The following TTC7A variants were observed in gnomAD, a reference collection of about 807,000 sequenced individuals.
TTC7A encodes tetratricopeptide repeat protein 7A.
A neutral mutation model predicts 103.7 loss-of-function variants in TTC7A; 110 were observed. The observed-to-expected ratio is 1.06, with a 90% CI of 0.91 to 1.24. The LOEUF (loss-of-function observed/expected upper bound fraction) is 1.24. Ranked by LOEUF, TTC7A falls within the 50% of genes most tolerant of loss-of-function variation. The pLI is 0.00. For missense variants in TTC7A, 1,340 were observed against 1,116.3 expected, an observed-to-expected ratio of 1.20 and a Z score of -2.86; for synonymous variants, 521 against 467.9, an observed-to-expected ratio of 1.11 and a Z score of -1.47.
intron 19 of TTC7A, among the ~76,000 whole-genome samples, chr2:47,064,456 A>G (rs1038085918): frequency 1.3e-5 from 2 of 152,224 alleles, no homozygotes; most frequent in African/African-American, 4.8e-5. Flanking sequence ...CTGCCTGCCA[A>G]TGGGGAAACG....
rs184636372 is a variant in TTC7A, at chr2:46,976,450, G to A, written c.648+1347G>A. On this transcript the variant is annotated intron_variant, in intron 4 of 19. Coordinates refer to ENST00000319190, the MANE Select transcript of TTC7A (RefSeq NM_020458.4). Reference sequence around the variant, plus strand: ...TCTAGAGCAGCATAGATTAGGATTGGTGCCCTGAAGGAGGAGGTGGTCATG... The same window carrying A: ...TCTAGAGCAGCATAGATTAGGATTGATGCCCTGAAGGAGGAGGTGGTCATG... Among the ~76,000 whole-genome samples, 11 of 152,344 alleles carry A rather than the reference G, an allele frequency of 7.2e-5. No individual in the cohort carries two copies. The East Asian group carries it at 1.4e-3, about 19-fold the overall frequency.
chr2:46,963,790 G>A (rs1672593940), intron 3 of TTC7A, among the ~76,000 whole-genome samples: 1 of 152,150 alleles, frequency 6.6e-6, no homozygotes, highest in African/African-American at 2.4e-5. Context: ...AGGAGTACAT[G>A]GTTCTTGCAG....
rs976721774 is a variant in TTC7A, at chr2:46,999,816, C to T, written c.1065+4617C>T. The T allele has an allele frequency of 3.1e-5, 31 of 985,346 alleles. No homozygotes were observed. The African/African-American group carries it at 4.4e-4, about 14-fold the overall frequency. The allele number at this position is 985,346 out of a possible 1,614,324, so 61.0% of individuals were successfully genotyped here. The stretch of plus-strand genomic sequence containing the variant: ...AAACTGAACCCTTGGATCCCTGTTT[C>T]ATTCAGCTGGCGAACAAGTTGCTGC... On this transcript the variant is annotated intron_variant, in intron 8 of 19. Transcript: ENST00000319190.
intron 4 of TTC7A, chr2:46,978,040 G>C (rs1674044530): frequency 6.6e-6 from 1 of 152,272 alleles, no homozygotes; most frequent in South Asian, 2.1e-4. Flanking sequence ...TGGAGGTGGG[G>C]CATGGACAGT....
At chr2:47,023,492 G>A (rs1679519964) in intron 13 of TTC7A, 27 bp downstream of exon 13, 3 of 1,613,052 alleles carry the variant, frequency 1.9e-6, no homozygotes, top group Non-Finnish European at 2.5e-6. Context: ...CTGCAGCAGA[G>A]GCCCCTCTTG....
At chr2:46,981,926 C>T (rs1467304133) in intron 5 of TTC7A, among the ~76,000 whole-genome samples, 1 of 152,234 alleles carries the variant, frequency 6.6e-6, no homozygotes, top group East Asian at 1.9e-4. Context: ...ATGACTGCAA[C>T]AGGCAGGTGG....
intron 15 of TTC7A, among the ~76,000 whole-genome samples, chr2:47,038,629 T>TGGGGGGC: frequency 1.1e-5 from 1 of 86,986 alleles, no homozygotes; most frequent in East Asian, 2.8e-4. Flanking sequence ...TGCTGCCACT[T>TGGGGGGC]CCCACCCACC....
chr2:47,053,387 A>G (rs1352547266), intron 18 of TTC7A, among the ~76,000 whole-genome samples: 3 of 152,350 alleles, frequency 2.0e-5, no homozygotes, highest in Non-Finnish European at 4.4e-5. Flanking sequence ...CTTCGCACCC[A>G]TGATGGGGGC....
chr2:46,932,100 A>C (rs1265573346), intron 2 of TTC7A, among the ~76,000 whole-genome samples: 1 of 152,156 alleles, frequency 6.6e-6, no homozygotes, highest in African/African-American at 2.4e-5. Context: ...AATAGAAAAA[A>C]CTTCCTAAAT....
chr2:46,987,038 T>C (rs1675085379), intron 5 of TTC7A, among the ~76,000 whole-genome samples: 1 of 152,230 alleles, frequency 6.6e-6, no homozygotes, highest in Non-Finnish European at 1.5e-5. Flanking sequence ...CTCTTGCCCC[T>C]TGCTCTGTGG....
chr2:46,960,745 A>T (rs1205755281), intron 3 of TTC7A, among the ~76,000 whole-genome samples: 2 of 152,232 alleles, frequency 1.3e-5, no homozygotes, highest in African/African-American at 4.8e-5. Context: ...CACGCAGCCT[A>T]TAAGTAGCAT....
At chr2:46,951,608 G>A (rs996610580) in intron 2 of TTC7A, 8 of 455,148 alleles carry the variant, frequency 1.8e-5, no homozygotes, top group South Asian at 6.2e-5. Context: ...TCAGGGTCTC[G>A]CTGTGTTACT....
intron 5 of TTC7A, among the ~76,000 whole-genome samples, chr2:46,981,380 G>T (rs1002234008): frequency 1.3e-5 from 2 of 152,110 alleles, no homozygotes; most frequent in African/African-American, 4.8e-5. Context: ...GGTCGAGGAG[G>T]AGGTGAGCTC....
chr2:47,008,924 C>G (rs991968219), intron 10 of TTC7A, among the ~76,000 whole-genome samples: 1 of 151,042 alleles, frequency 6.6e-6, no homozygotes, highest in Non-Finnish European at 1.5e-5. Context: ...AAAGCTGCTG[C>G]TCCGGCTGCT....
chr2:46,973,973 A>G (rs540258271), intron 3 of TTC7A, among the ~76,000 whole-genome samples: 1 of 152,318 alleles, frequency 6.6e-6, no homozygotes, highest in East Asian at 1.9e-4. Flanking sequence ...CCTGGAGTCC[A>G]GTAGCCAGGA....
chr2:46,925,905 T>A lies in TTC7A; in HGVS notation c.82+8628T>A, dbSNP rs552189682. Among the ~76,000 whole-genome samples the A allele has an allele frequency of 3.9e-5, 6 of 152,354 alleles. No homozygotes were observed. The East Asian group carries it at 1.2e-3, about 29-fold the overall frequency. On this transcript the variant is annotated intron_variant, in intron 2 of 20. Transcript: ENST00000409245. The stretch of plus-strand genomic sequence containing the variant: ...TAAAAACCATTCTGCCTTGAGTTCT[T>A]AGATACACTACAACAGTGCCACCCA...
chr2:46,930,032 T>G (rs77137231), intron 2 of TTC7A, among the ~76,000 whole-genome samples: 27,922 of 152,176 alleles, frequency 0.18, 2,657 homozygotes, highest in Non-Finnish European at 0.21. Flanking sequence ...GAGTGAGAAA[T>G]AAACTAAGTT....
intron 19 of TTC7A, among the ~76,000 whole-genome samples, chr2:47,070,726 T>G (rs896151503): frequency 1.3e-5 from 2 of 152,252 alleles, no homozygotes; most frequent in Non-Finnish European, 2.9e-5. Flanking sequence ...AGGAGGGTCC[T>G]GAGGTGGGAA....
At chr2:46,979,266 T>C (rs1440318996) in intron 5 of TTC7A, among the ~76,000 whole-genome samples, 6 of 152,156 alleles carry the variant, frequency 3.9e-5, no homozygotes, top group African/African-American at 1.4e-4. Context: ...TTTTGTCTAC[T>C]GTTGTCTGCA....
Sources: allele counts gnomAD v4.1 joint callset (sites outside exome capture counted in the v4.1 genomes callset), GRCh38; gene constraint gnomAD v4.1.1; transcripts MANE v1.5; gene names NCBI Gene and HGNC (gene_info 2026-07-23, HGNC 2026-07-21).